The following ADCY2 variants were observed in gnomAD, a reference collection of about 807,000 sequenced individuals.
ADCY2 encodes the protein adenylate cyclase type 2.
Under a neutral mutation model 125.2 loss-of-function variants are expected in ADCY2, and 31 were observed. The observed-to-expected ratio is 0.25, with a 90% confidence interval of 0.19 to 0.33. The LOEUF (loss-of-function observed/expected upper bound fraction) is 0.33, where lower values mean the gene tolerates loss of function less well. ADCY2 is among the 10% of genes least tolerant of loss of function. The pLI, the probability that ADCY2 is intolerant of heterozygous loss-of-function variation, is 1.00. For synonymous variants in ADCY2, 512 were observed against 548.4 expected (o/e 0.93, Z 0.93); for missense variants, 904 against 1,418.2 (o/e 0.64, Z 5.82).
At chr5:7,503,676 G>A (rs963538856) in intron 2 of ADCY2, among the ~76,000 whole-genome samples, 1 of 152,110 alleles carries the variant, frequency 6.6e-6, no homozygotes, top group African/African-American at 2.4e-5. Context: ...CAGCTGTGTC[G>A]ATGACTATTA....
intron 18 of ADCY2, among the ~76,000 whole-genome samples, chr5:7,781,392 A>T (rs888255255): frequency 1.3e-5 from 2 of 152,230 alleles, no homozygotes; most frequent in Non-Finnish European, 2.9e-5. Flanking sequence ...AGATGAGGTC[A>T]TGCTGAAGGA....
intron 7 of ADCY2, among the ~76,000 whole-genome samples, chr5:7,699,859 A>T (rs925574713): frequency 2.0e-5 from 3 of 152,200 alleles, no homozygotes; most frequent in African/African-American, 7.2e-5. Flanking sequence ...AACTGTTGAC[A>T]TGGTAGGTAT....
intron 2 of ADCY2, among the ~76,000 whole-genome samples, chr5:7,439,662 A>T (rs1360376593): frequency 6.6e-6 from 1 of 152,216 alleles, no homozygotes; most frequent in Non-Finnish European, 1.5e-5. Context: ...ATATCAAACA[A>T]AATGGAATAA....
intron 2 of ADCY2, among the ~76,000 whole-genome samples, chr5:7,501,158 T>G (rs1342946253): frequency 3.3e-5 from 5 of 152,034 alleles, no homozygotes; most frequent in Non-Finnish European, 5.9e-5. Context: ...GTCTACATTT[T>G]CTTCCTTCAT....
intron 2 of ADCY2, among the ~76,000 whole-genome samples, chr5:7,476,589 C>G (rs1263082542): frequency 6.6e-6 from 1 of 152,124 alleles, no homozygotes; most frequent in African/African-American, 2.4e-5. Context: ...GTAAGGCCAC[C>G]AGTCTTCTCC....
In ADCY2 at chr5:7,396,640, C is replaced by CCG. The variant is rs1739055927; in HGVS notation, c.210+137_210+138dup. On this transcript the variant is annotated intron_variant, in intron 1 of 24. Coordinates refer to ENST00000338316, the MANE Select transcript of ADCY2 (RefSeq NM_020546.3). The surrounding 1 kb of genome is among the most constrained non-coding windows in gnomAD (Gnocchi z 5.7). ...CCTCGGCCCGCGGCAGCCCCTCGGC[C>CCG]CGCGGCTCCCTGCTTCTCCTGCTGG... 3.7e-6 allele frequency: 2 copies of CCG among 538,112 alleles called. No homozygotes were observed. Among genetic ancestry groups the CCG allele is most frequent in the Admixed American group, 9.8e-5 (2 of 20,482 alleles). 33.3% of individuals were successfully genotyped at this position (538,112 alleles called of 1,614,324 possible).
chr5:7,408,107 T>C (rs936343619), intron 1 of ADCY2, among the ~76,000 whole-genome samples: 2 of 151,844 alleles, frequency 1.3e-5, no homozygotes, highest in African/African-American at 4.8e-5. Flanking sequence ...CCTGACCTCG[T>C]GATCTGCTCG....
intron 15 of ADCY2, among the ~76,000 whole-genome samples, chr5:7,757,002 G>A (rs778472730): frequency 5.3e-5 from 8 of 152,170 alleles, no homozygotes; most frequent in South Asian, 2.1e-4. Flanking sequence ...GGCCTGGGCT[G>A]TATTCTTGTA....
chr5:7,539,814 A>G (rs950051856), intron 3 of ADCY2, among the ~76,000 whole-genome samples: 8 of 152,254 alleles, frequency 5.3e-5, no homozygotes, highest in Non-Finnish European at 8.8e-5. Context: ...AACTTTATGT[A>G]CAAACATAGG....
chr5:7,750,383 T>A (rs1438506158), intron 15 of ADCY2, among the ~76,000 whole-genome samples: 1 of 152,218 alleles, frequency 6.6e-6, no homozygotes, highest in Non-Finnish European at 1.5e-5. Context: ...CTGAGTCTGG[T>A]AATTTTTCTC....
At chr5:7,703,632 G>A (rs1189205632) in intron 7 of ADCY2, among the ~76,000 whole-genome samples, 2 of 152,150 alleles carry the variant, frequency 1.3e-5, no homozygotes, top group African/African-American at 4.8e-5. Flanking sequence ...CTGTAGCCTT[G>A]TAGTATAGTT....
intron 4 of ADCY2, among the ~76,000 whole-genome samples, chr5:7,638,364 C>T (rs550262398): frequency 2.0e-5 from 3 of 152,076 alleles, no homozygotes; most frequent in Non-Finnish European, 2.9e-5. Flanking sequence ...CTCAGCAGCC[C>T]GCACCTATGA....
intron 2 of ADCY2, among the ~76,000 whole-genome samples, chr5:7,451,687 GAAATGTTTT>G (rs1741474838): frequency 1.3e-5 from 2 of 152,150 alleles, no homozygotes; most frequent in Admixed American, 1.3e-4. Flanking sequence ...ATGCTACAAA[GAAATGTTTT>G]TTTGAAAGAA....
At chr5:7,422,469 T>C (rs967978746) in intron 2 of ADCY2, among the ~76,000 whole-genome samples, 1 of 152,170 alleles carries the variant, frequency 6.6e-6, no homozygotes, top group African/African-American at 2.4e-5. Context: ...TGCTCATTCA[T>C]GGGCTTAAAG....
At chr5:7,463,652 C>T (rs1266360167) in intron 2 of ADCY2, among the ~76,000 whole-genome samples, 1 of 150,858 alleles carries the variant, frequency 6.6e-6, no homozygotes, top group East Asian at 1.9e-4. Flanking sequence ...TGAGATCGTC[C>T]TGAAAAGGAA....
chr5:7,771,622 A>G (rs1743560512), intron 17 of ADCY2, among the ~76,000 whole-genome samples: 1 of 152,146 alleles, frequency 6.6e-6, no homozygotes, highest in African/African-American at 2.4e-5. Context: ...AGCCTGCCAT[A>G]TGATCACTGC....
chr5:7,767,694 T>A (rs898561186), intron 17 of ADCY2, among the ~76,000 whole-genome samples: 6 of 151,714 alleles, frequency 4.0e-5, no homozygotes, highest in African/African-American at 1.5e-4. Context: ...TCCCTTCCCA[T>A]CATTTAATTT....
chr5:7,676,526 AT>A (rs5865727), intron 4 of ADCY2, among the ~76,000 whole-genome samples: 66,441 of 150,304 alleles, frequency 0.44, 15,198 homozygotes, highest in East Asian at 0.83. Flanking sequence ...TAAAAAAAAA[AT>A]ACTTTCTGAG....
intron 10 of ADCY2, among the ~76,000 whole-genome samples, chr5:7,710,124 T>A (rs2126360471): frequency 6.6e-6 from 1 of 152,326 alleles, no homozygotes; most frequent in East Asian, 1.9e-4. Flanking sequence ...AGAAGGAACA[T>A]GCCAGTTGTC....
Sources: gnomAD v4.1 joint callset for allele counts (sites outside exome capture counted in the v4.1 genomes callset) on GRCh38, gnomAD v4.1.1 for gene constraint, Gnocchi (gnomAD v3.1) non-coding constraint, MANE v1.5 for transcripts, NCBI Gene and HGNC (gene_info 2026-07-23, HGNC 2026-07-21) for gene names.